The following ANXA13 variants were observed in gnomAD, a reference collection of about 807,000 sequenced individuals.
ANXA13 encodes annexin A13.
In ANXA13, 36 loss-of-function variants were observed where a neutral mutation model predicts 46.6. That is an observed-to-expected ratio of 0.77 (90% CI 0.59 to 1.02). The LOEUF is 1.02. ANXA13 is among the 50% of genes least tolerant of loss of function. The probability of loss-of-function intolerance (pLI) is 0.00; values close to 1 mark genes in which losing one functional copy is unlikely to be tolerated. For missense variants in ANXA13, 417 were observed against 396.5 expected, an observed-to-expected ratio of 1.05 and a Z score of -0.44; for synonymous variants, 163 against 152.9, an observed-to-expected ratio of 1.07 and a Z score of -0.49.
chr8:123,682,073 G>A (rs914860611), intron 10 of ANXA13, among the ~76,000 whole-genome samples: 6 of 152,204 alleles, frequency 3.9e-5, no homozygotes, highest in Admixed American at 6.5e-5. Context: ...GCAGGCTGTA[G>A]TTGGTTGACC....
intron 3 of ANXA13, among the ~76,000 whole-genome samples, chr8:123,700,069 A>G (rs938851877): frequency 6.6e-6 from 1 of 152,204 alleles, no homozygotes; most frequent in African/African-American, 2.4e-5. Flanking sequence ...AAAAACCCGG[A>G]ATATTTTTGT....
Position 123,716,154 on chromosome 8 carries a change from C to T in ANXA13, c.16-3401G>A, listed in dbSNP as rs553263892. ...AAGGTAGAGTGTAGTGTTGCAGTTT[C>T]GGTTCCCTGCAGCCTCTGCCTCCCG... On this transcript the variant is annotated intron_variant, in intron 1 of 10. Transcript: ENST00000419625. Among the ~76,000 whole-genome samples the T allele has an allele frequency of 2.0e-4, 30 of 152,240 alleles. No homozygotes were observed. The South Asian group carries it at 4.6e-3, about 23-fold the overall frequency.
rs548408984 is a variant in ANXA13, at chr8:123,723,950, C to T, written c.16-11197G>A. On this transcript the variant is annotated intron_variant, in intron 1 of 10. Transcript: ENST00000419625. ...TTCTTCCTTTGTATGTTACAGAATA[C>T]ACTGAATGCCTTTTCTTTGCGTCCT... 5.3e-5 allele frequency among the ~76,000 whole-genome samples: 8 copies of T among 152,276 alleles called. 1 individual carries two copies. Among genetic ancestry groups the T allele is most frequent in the African/African-American group, 1.9e-4 (8 of 41,554 alleles).
intron 1 of ANXA13, among the ~76,000 whole-genome samples, chr8:123,715,405 T>C (rs1327879818): frequency 2.0e-5 from 3 of 152,356 alleles, no homozygotes; most frequent in African/African-American, 7.2e-5. Context: ...CGAAGTATTA[T>C]GGAGTGCCCA....
intron 9 of ANXA13, among the ~76,000 whole-genome samples, chr8:123,687,790 G>A (rs1022899032): frequency 6.6e-6 from 1 of 152,164 alleles, no homozygotes; most frequent in African/African-American, 2.4e-5. Flanking sequence ...ACAGGACTGT[G>A]GACAATGGAC....
chr8:123,723,651 G>C (rs1813930140), intron 1 of ANXA13, among the ~76,000 whole-genome samples: 1 of 152,184 alleles, frequency 6.6e-6, no homozygotes, highest in African/African-American at 2.4e-5. Context: ...CCACAAATTA[G>C]GCTTTTGTTT....
intron 1 of ANXA13, among the ~76,000 whole-genome samples, chr8:123,733,881 A>C (rs1363067573): frequency 6.6e-6 from 1 of 152,180 alleles, no homozygotes; most frequent in African/African-American, 2.4e-5. Flanking sequence ...ATCTCAATGC[A>C]GGCAAGTTTG....
At chr8:123,685,612 C>T (rs1813125389) in intron 9 of ANXA13, among the ~76,000 whole-genome samples, 1 of 152,166 alleles carries the variant, frequency 6.6e-6, no homozygotes, top group Admixed American at 6.5e-5. Flanking sequence ...CTTACTATGT[C>T]CCATAATGGG....
At chr8:123,729,886 G>C (rs1200984927) in intron 1 of ANXA13, among the ~76,000 whole-genome samples, 1 of 152,158 alleles carries the variant, frequency 6.6e-6, no homozygotes, top group African/African-American at 2.4e-5. Flanking sequence ...ACTTCGCAAA[G>C]ATATCTCAAA....
chr8:123,718,001 A>G (rs1813792318), intron 1 of ANXA13, among the ~76,000 whole-genome samples: 1 of 152,136 alleles, frequency 6.6e-6, no homozygotes, highest in African/African-American at 2.4e-5. Flanking sequence ...CGCCCAGAGA[A>G]AGAGTAAAGC....
At chr8:123,682,565 A>G (rs1813058948) in intron 10 of ANXA13, among the ~76,000 whole-genome samples, 2 of 152,110 alleles carry the variant, frequency 1.3e-5, no homozygotes, top group Non-Finnish European at 2.9e-5. Context: ...AATGATCAGG[A>G]TGGGAGTATG....
chr8:123,686,289 A>G (rs980135796), intron 9 of ANXA13, among the ~76,000 whole-genome samples: 3 of 152,024 alleles, frequency 2.0e-5, no homozygotes, highest in African/African-American at 4.8e-5. Context: ...CCTGGCCAAC[A>G]TGGTGAAACT....
At chr8:123,719,377 A>G (rs1813818637) in intron 1 of ANXA13, among the ~76,000 whole-genome samples, 1 of 152,108 alleles carries the variant, frequency 6.6e-6, no homozygotes, top group Admixed American at 6.5e-5. Flanking sequence ...TCTTCCTTGA[A>G]CAAACAAGTA....
intron 1 of ANXA13, among the ~76,000 whole-genome samples, chr8:123,717,647 T>C (rs1356286304): frequency 1.3e-5 from 2 of 152,176 alleles, no homozygotes. Context: ...ATTGTCAGAG[T>C]GAATTTGAGT....
chr8:123,700,128 C>T (rs1361144644), intron 3 of ANXA13, among the ~76,000 whole-genome samples: 2 of 152,206 alleles, frequency 1.3e-5, no homozygotes, highest in Non-Finnish European at 2.9e-5. Context: ...TATATTATGC[C>T]TCCGCCCCAC....
At chr8:123,737,200 CAAT>C in intron 1 of ANXA13, 117 bp downstream of exon 1, 1 of 1,036,354 alleles carries the variant, frequency 9.6e-7, no homozygotes, top group Non-Finnish European at 1.4e-6. Flanking sequence ...TTGCTAAAAC[CAAT>C]ATTAAAGGGT....
intron 2 of ANXA13, among the ~76,000 whole-genome samples, chr8:123,708,060 C>G (rs922104601): frequency 2.6e-5 from 4 of 152,094 alleles, no homozygotes; most frequent in African/African-American, 9.7e-5. Context: ...AGTCACTGAA[C>G]AGTGACCTCA....
At chr8:123,683,402 C>T (rs1003740386) in intron 10 of ANXA13, among the ~76,000 whole-genome samples, 1 of 149,334 alleles carries the variant, frequency 6.7e-6, no homozygotes, top group African/African-American at 2.5e-5. Context: ...CCTCCCCCTT[C>T]ACCTCCCCCT....
In ANXA13 at chr8:123,693,281, C is replaced by G; in HGVS notation, c.558G>C (p.Trp186Cys). 1 of 1,614,134 alleles carries G rather than the reference C, an allele frequency of 6.2e-7. No homozygotes were observed. Among genetic ancestry groups the G allele is most frequent in the Non-Finnish European group, 8.5e-7 (1 of 1,180,024 alleles). The change falls in exon 8 of 11, where the codon TGG becomes TGC. Residue 186 changes from tryptophan (W) to cysteine (C), a missense_variant. Coordinates refer to ENST00000419625, the MANE Select transcript of ANXA13 (RefSeq NM_004306.4). ...CATTGAACGCAAGCTCATCAGTGCCCCAGCGGCCTTCCCCTGCCTCAAGGG... is the reference window on the plus strand; with the variant it reads ...CATTGAACGCAAGCTCATCAGTGCCGCAGCGGCCTTCCCCTGCCTCAAGGG... ...KDLYDAGEGR[W>C]GTDELAFNEV...
Sources: gnomAD v4.1 joint callset for allele counts (sites outside exome capture counted in the v4.1 genomes callset) on GRCh38, gnomAD v4.1.1 for gene constraint, MANE v1.5 for transcripts, NCBI Gene and HGNC (gene_info 2026-07-23, HGNC 2026-07-21) for gene names.